The following ZFHX3 variants were observed in gnomAD, a reference collection of about 807,000 sequenced individuals.
ZFHX3 encodes zinc finger homeobox 3.
ZFHX3 carries 42 observed loss-of-function variants against 279.1 expected under a neutral mutation model. That is an observed-to-expected ratio of 0.15 (90% confidence interval 0.12 to 0.19). The LOEUF is 0.19. ZFHX3 is among the 10% of genes least tolerant of loss of function. The pLI is 1.00. For missense variants in ZFHX3, 4,981 were observed against 4,754.0 expected (o/e 1.05, Z -1.40); for synonymous variants, 2,293 against 1,957.8 (o/e 1.17, Z -4.52).
At chr16:73,696,605 G>T (rs900742491) in intron 1 of ZFHX3, among the ~76,000 whole-genome samples, 4 of 152,208 alleles carry the variant, frequency 2.6e-5, no homozygotes, top group Admixed American at 1.3e-4. Context: ...CCTGAAAGTG[G>T]CATGTTGCTC....
intron 2 of ZFHX3, among the ~76,000 whole-genome samples, chr16:73,643,151 A>T (rs552702216): frequency 1.3e-5 from 2 of 152,318 alleles, no homozygotes; most frequent in Admixed American, 1.3e-4. Context: ...ATTTTAGGCA[A>T]AACAGTTTGA....
At chr16:73,283,949 A>C (rs2014523019) in intron 4 of ZFHX3, among the ~76,000 whole-genome samples, 1 of 152,014 alleles carries the variant, frequency 6.6e-6, no homozygotes. Context: ...ACCCTGTCTC[A>C]AAAAAGCCCT....
At chr16:72,960,289 C>T (rs1961512715) in intron 1 of ZFHX3, 95 bp from the exon 2 acceptor site, 3 of 1,013,160 alleles carry the variant, frequency 3.0e-6, no homozygotes, top group East Asian at 2.7e-5. Context: ...TCCTACCGCA[C>T]GGAGCGCTCT....
At chr16:73,550,413 T>C (rs531494430) in intron 2 of ZFHX3, among the ~76,000 whole-genome samples, 1 of 152,294 alleles carries the variant, frequency 6.6e-6, no homozygotes, top group South Asian at 2.1e-4. Context: ...ATGTTTACAG[T>C]AGGCCCAGTG....
chr16:73,456,521 A>G (rs2018374289), intron 2 of ZFHX3, among the ~76,000 whole-genome samples: 1 of 152,182 alleles, frequency 6.6e-6, no homozygotes. Flanking sequence ...CTTTCTTTAC[A>G]CAGAACGCTT....
rs749058810 is a variant in ZFHX3 at position 72,958,732 on chromosome 16, C to A, written c.1414G>T (p.Ala472Ser). Residue 472 changes from alanine (A) to serine (S), a missense_variant, in exon 2 of 10, where the codon GCG (alanine) becomes TCG (serine). By Grantham distance (99) the Ala-to-Ser change is moderately conservative. Coordinates refer to ENST00000268489, the MANE Select transcript of ZFHX3 (RefSeq NM_006885.4). ...EAEEEEEEEE[A>S]EEEEEEEEEE... ...TCCTCTTCTTCCTCCTCCTCCTCCGCCTCTTCCTCCTCCTCTTCCTCCTCC... is the reference window on the plus strand; with the variant it reads ...TCCTCTTCTTCCTCCTCCTCCTCCGACTCTTCCTCCTCCTCTTCCTCCTCC... 7 of 1,611,640 alleles carry A rather than the reference C, an allele frequency of 4.3e-6. No homozygotes were observed. In the African/African-American group the frequency reaches 9.4e-5, roughly 22 times the overall value.
At chr16:73,007,056 G>A (rs1963733414) in intron 1 of ZFHX3, among the ~76,000 whole-genome samples, 2 of 152,142 alleles carry the variant, frequency 1.3e-5, no homozygotes, top group Admixed American at 1.3e-4. Flanking sequence ...GACTATGAAG[G>A]CCAACTATAT....
At chr16:73,771,636 T>C (rs142025475) in intron 1 of ZFHX3, among the ~76,000 whole-genome samples, 8 of 150,364 alleles carry the variant, frequency 5.3e-5, no homozygotes, top group African/African-American at 1.9e-4. Context: ...TAAGAGTACC[T>C]AGTCTGATGT....
At chr16:73,323,596 T>C (rs1438562101) in intron 3 of ZFHX3, among the ~76,000 whole-genome samples, 1 of 152,016 alleles carries the variant, frequency 6.6e-6, no homozygotes, top group Non-Finnish European at 1.5e-5. Context: ...GGTTAATAAT[T>C]TGAGTAAATG....
intron 2 of ZFHX3, among the ~76,000 whole-genome samples, chr16:73,619,500 T>TATATATATATATATATATATATATATA (rs34326004): frequency 5.2e-4 from 68 of 131,632 alleles, no homozygotes; most frequent in African/African-American, 2.0e-3. Flanking sequence ...AAAAAAAAAA[T>TATATATATATATATATATATATATATA]TATATATATA....
rs918833730 is a variant in ZFHX3, at chr16:73,006,663, G to A, written c.-50+41089C>T. ...AAGAAAGAAACGAAAGAAAAGGAAA[G>A]GAAAGGGAGGAAGGAAAGAGGAAAG... is the stretch of plus-strand genomic sequence containing the variant. On this transcript the variant is annotated intron_variant, in intron 1 of 9. Coordinates refer to ENST00000268489, the MANE Select transcript of ZFHX3 (RefSeq NM_006885.4). 2.7e-5 allele frequency among the ~76,000 whole-genome samples: 4 copies of A among 147,340 alleles called. No homozygotes were observed. The East Asian group carries it at 7.0e-4, about 26-fold the overall frequency.
At chr16:73,521,308 G>C (rs2019605161) in intron 2 of ZFHX3, among the ~76,000 whole-genome samples, 1 of 152,104 alleles carries the variant, frequency 6.6e-6, no homozygotes. Flanking sequence ...TGTTGTAAAG[G>C]GTTTAGAATG....
chr16:73,067,308 T>C (rs574482688), intron 8 of ZFHX3, among the ~76,000 whole-genome samples: 4 of 152,314 alleles, frequency 2.6e-5, no homozygotes, highest in South Asian at 2.1e-4. Context: ...AGTTGAATGC[T>C]AAAGGTTAAA....
At chr16:73,731,628 A>G (rs747404447) in intron 1 of ZFHX3, among the ~76,000 whole-genome samples, 6 of 121,134 alleles carry the variant, frequency 5.0e-5, no homozygotes, top group Non-Finnish European at 1.0e-4. Context: ...TCACACACAT[A>G]AACCAATGAT....
chr16:73,176,849 C>A (rs569699551), intron 5 of ZFHX3, among the ~76,000 whole-genome samples: 3 of 151,922 alleles, frequency 2.0e-5, no homozygotes, highest in Non-Finnish European at 2.9e-5. Flanking sequence ...AGAACAAGCA[C>A]AAGGCTTGCA....
At chr16:73,290,582 G>C (rs544485299) in intron 4 of ZFHX3, among the ~76,000 whole-genome samples, 3 of 152,298 alleles carry the variant, frequency 2.0e-5, no homozygotes, top group East Asian at 3.9e-4. Context: ...AGGGAAGAGA[G>C]GTGGAAAAGG....
rs542799579 is a variant in ZFHX3 at position 73,776,993 on chromosome 16, C to A, written c.-1607-96753G>T. The stretch of plus-strand genomic sequence containing the variant: ...CCTGGAAGGAAGGCAACATCCGGAG[C>A]TAGGATTACTCTTCATCTTCTCCCA... On this transcript the variant is annotated intron_variant, in intron 1 of 17. Transcript: ENST00000641206. Among the ~76,000 whole-genome samples the A allele has an allele frequency of 2.4e-4, 36 of 152,290 alleles. No homozygotes were observed. In the South Asian group the frequency reaches 7.3e-3, roughly 31 times the overall value.
At chr16:72,944,380 A>G (rs868750261) in intron 3 of ZFHX3, among the ~76,000 whole-genome samples, 3 of 152,358 alleles carry the variant, frequency 2.0e-5, no homozygotes, top group Middle Eastern at 3.4e-3. Context: ...ACATACACAC[A>G]TGCATTTTCA....
intron 1 of ZFHX3, among the ~76,000 whole-genome samples, chr16:73,750,048 T>C (rs1567397626): frequency 6.6e-6 from 1 of 152,128 alleles, no homozygotes; most frequent in Non-Finnish European, 1.5e-5. Flanking sequence ...ATCCATCCAA[T>C]GGCTAACAAT....
Sources: allele counts gnomAD v4.1 joint callset (sites outside exome capture counted in the v4.1 genomes callset), GRCh38; gene constraint gnomAD v4.1.1; transcripts MANE v1.5; gene names NCBI Gene and HGNC (gene_info 2026-07-23, HGNC 2026-07-21).